The following SH3RF2 variants were observed in gnomAD, a reference collection of about 807,000 sequenced individuals.
The protein encoded by SH3RF2 is E3 ubiquitin-protein ligase SH3RF2.
Under a neutral mutation model 59.0 loss-of-function variants are expected in SH3RF2, and 43 were observed. The ratio of observed to expected loss-of-function variants is 0.73; its 90% CI spans 0.57 to 0.94. The LOEUF is 0.94. Among genes scored for constraint, SH3RF2 ranks in the 40% least tolerant of loss-of-function variants. SH3RF2 has a pLI of 0.00. For missense variants in SH3RF2, 930 were observed against 940.1 expected (o/e 0.99, Z 0.14); for synonymous variants, 391 against 391.5 (o/e 1.00, Z 0.01).
intron 2 of SH3RF2, among the ~76,000 whole-genome samples, chr5:145,992,808 G>A (rs986528440): frequency 8.5e-5 from 13 of 152,260 alleles, no homozygotes; most frequent in South Asian, 4.2e-4. Context: ...AGATCTGGGC[G>A]GGGACAGAGC....
At chr5:146,049,032 C>CACGT (rs756540584) in intron 6 of SH3RF2, 43 bp from the exon 7 acceptor site, 1 of 1,610,002 alleles carries the variant, frequency 6.2e-7, no homozygotes, top group Admixed American at 1.7e-5. Flanking sequence ...CCCCATCAGG[C>CACGT]ACGTCTTCCT....
At chr5:145,937,501 C>A (rs1757632786) in intron 1 of SH3RF2, among the ~76,000 whole-genome samples, 1 of 152,058 alleles carries the variant, frequency 6.6e-6, no homozygotes, top group Non-Finnish European at 1.5e-5. Context: ...TTTCCCCGGG[C>A]AGGGGGTAAA....
At chr5:145,942,435 A>G (rs1051598348) in intron 2 of SH3RF2, among the ~76,000 whole-genome samples, 1 of 152,084 alleles carries the variant, frequency 6.6e-6, no homozygotes, top group African/African-American at 2.4e-5. Flanking sequence ...TTGTCCTAGA[A>G]ACTTTTCAGC....
At chr5:146,061,228 G>T (rs964382766) in intron 9 of SH3RF2, among the ~76,000 whole-genome samples, 5 of 152,084 alleles carry the variant, frequency 3.3e-5, no homozygotes, top group African/African-American at 1.2e-4. Context: ...TTAGGAAATG[G>T]CAGCTCAGGG....
At chr5:145,990,436 G>A (rs1759889376) in intron 2 of SH3RF2, among the ~76,000 whole-genome samples, 1 of 152,182 alleles carries the variant, frequency 6.6e-6, no homozygotes, top group African/African-American at 2.4e-5. Context: ...TCACTGTGCT[G>A]AGGGTTTGGG....
chr5:146,064,764 AAGG>A (rs1453064071), downstream of SH3RF2, among the ~76,000 whole-genome samples: 19 of 4,164 alleles, frequency 4.6e-3, no homozygotes, highest in South Asian at 0.045. Context: ...GGAAGGAAGG[AAGG>A]AAGGAAGGAA....
At chr5:145,944,353 TTTA>T (rs1300744543) in intron 2 of SH3RF2, among the ~76,000 whole-genome samples, 5 of 149,320 alleles carry the variant, frequency 3.3e-5, no homozygotes, top group African/African-American at 1.3e-4. Context: ...TTTTTTTTTT[TTTA>T]AATTATGCTT....
At chr5:145,978,385 C>T (rs764428473) in intron 2 of SH3RF2, among the ~76,000 whole-genome samples, 3 of 152,162 alleles carry the variant, frequency 2.0e-5, no homozygotes, top group African/African-American at 7.2e-5. Flanking sequence ...GGATGGCCAA[C>T]GCCCCATCCT....
At chr5:145,980,087 G>A (rs1759451780) in intron 2 of SH3RF2, among the ~76,000 whole-genome samples, 1 of 152,144 alleles carries the variant, frequency 6.6e-6, no homozygotes, top group African/African-American at 2.4e-5. Context: ...TTGGAAGTAG[G>A]GATGAACAGT....
intron 6 of SH3RF2, among the ~76,000 whole-genome samples, chr5:146,048,089 G>A (rs1298896148): frequency 6.6e-6 from 1 of 152,142 alleles, no homozygotes; most frequent in Non-Finnish European, 1.5e-5. Context: ...GAGGCAGGAG[G>A]ATTGCTTGAA....
At chr5:145,954,609 T>A (rs1758322193) in intron 2 of SH3RF2, among the ~76,000 whole-genome samples, 1 of 152,218 alleles carries the variant, frequency 6.6e-6, no homozygotes, top group African/African-American at 2.4e-5. Flanking sequence ...TTAGTGTCTT[T>A]GTCATGAAAT....
intron 2 of SH3RF2, among the ~76,000 whole-genome samples, chr5:145,958,019 A>AG (rs1758483475): frequency 1.3e-5 from 2 of 152,088 alleles, no homozygotes; most frequent in African/African-American, 4.8e-5. Context: ...AGGCTGAGGC[A>AG]GGAGAATCAC....
rs11948867 is a variant in SH3RF2 at position 146,051,662 on chromosome 5, T to C, written c.1322+2417T>C. 2.2e-3 allele frequency among the ~76,000 whole-genome samples: 337 copies of C among 152,242 alleles called. 5 individuals are homozygous for C. Among genetic ancestry groups the C allele is most frequent in the African/African-American group, 7.9e-3 (328 of 41,522 alleles). ...GACTGCTCCATAAAACGAGCATGTTTTGGGGTATGGAGGGAAGTAAAAGCT... is the reference window on the plus strand; with the variant it reads ...GACTGCTCCATAAAACGAGCATGTTCTGGGGTATGGAGGGAAGTAAAAGCT... On this transcript the variant is annotated intron_variant, in intron 7 of 9. Coordinates refer to ENST00000359120, the MANE Select transcript of SH3RF2 (RefSeq NM_152550.4).
intron 9 of SH3RF2, among the ~76,000 whole-genome samples, chr5:146,072,192 G>A (rs1264361848): frequency 6.6e-6 from 1 of 152,186 alleles, no homozygotes; most frequent in Non-Finnish European, 1.5e-5. Flanking sequence ...ACCTCTCTGA[G>A]CCTTTCTTTA....
chr5:146,057,926 GTGTCTCTC>G (rs1301582794), intron 8 of SH3RF2, among the ~76,000 whole-genome samples: 12 of 136,996 alleles, frequency 8.8e-5, no homozygotes, highest in Non-Finnish European at 1.5e-4. Flanking sequence ...TGGGCTGTTA[GTGTCTCTC>G]TCTCTCTCTC....
intron 5 of SH3RF2, among the ~76,000 whole-genome samples, chr5:146,035,660 C>T (rs1235091527): frequency 6.6e-6 from 1 of 152,196 alleles, no homozygotes; most frequent in Non-Finnish European, 1.5e-5. Flanking sequence ...CTTGTGGGTC[C>T]ACATTCCTTA....
downstream of SH3RF2, among the ~76,000 whole-genome samples, chr5:146,064,393 G>A (rs17212366): frequency 0.015 from 2,335 of 152,030 alleles, 20 homozygotes; most frequent in Middle Eastern, 0.037. Context: ...AATCAGGGTA[G>A]AGGAGGCATC....
intron 5 of SH3RF2, among the ~76,000 whole-genome samples, chr5:146,016,389 T>C (rs1450292269): frequency 6.6e-6 from 1 of 151,754 alleles, no homozygotes; most frequent in African/African-American, 2.4e-5. Context: ...GATGGATGGA[T>C]GGATGGATGG....
intron 9 of SH3RF2, among the ~76,000 whole-genome samples, chr5:146,071,845 G>A (rs1325873164): frequency 6.6e-6 from 1 of 152,200 alleles, no homozygotes; most frequent in Non-Finnish European, 1.5e-5. Context: ...TTCTCAGCAG[G>A]ATTTAGCAAG....
Sources: allele counts gnomAD v4.1 joint callset (sites outside exome capture counted in the v4.1 genomes callset), GRCh38; gene constraint gnomAD v4.1.1; transcripts MANE v1.5; gene names NCBI Gene and HGNC (gene_info 2026-07-23, HGNC 2026-07-21).